Variants in ANOS1 observed in about 807,000 individuals in gnomAD.
ANOS1 encodes the protein anosmin 1.
Under a neutral mutation model 59.0 loss-of-function variants are expected in ANOS1, and 6 were observed. That is an observed-to-expected ratio of 0.10 (90% CI 0.06 to 0.20). The LOEUF (loss-of-function observed/expected upper bound fraction) is 0.20. Among genes scored for constraint, ANOS1 ranks in the 10% least tolerant of loss-of-function variants. The pLI is 1.00. For synonymous variants in ANOS1, 217 were observed against 223.4 expected, an observed-to-expected ratio of 0.97 and a Z score of 0.25; for missense variants, 433 against 542.3, an observed-to-expected ratio of 0.80 and a Z score of 2.00.
At position 8,529,183 on chromosome X, in the gene ANOS1, C is replaced by T. The variant is rs1212311837; in HGVS notation, c.*3812G>A. On this transcript the variant is annotated 3_prime_UTR_variant, in exon 14 of 14. Transcript: ENST00000262648. ...ATAATTAAGTAAAGGGGAAAAGTAA[C>T]TTTATATAGACCTCTGTTAATCACT... 1 of 111,498 alleles carries T rather than the reference C, an allele frequency of 9.0e-6. No individual in the cohort carries two copies. The highest frequency in any genetic ancestry group is 1.9e-5 in the Non-Finnish European group (1 of 53,129). The allele number at this position is 111,498 out of a possible 1,213,427, so 9.2% of individuals were successfully genotyped here. A position where few individuals can be genotyped will look rare whatever the true frequency, so the allele number is the denominator to read the frequency against.
At chrX:8,617,009 G>A (rs1391444924) in intron 3 of ANOS1, among the ~76,000 whole-genome samples, 1 of 112,477 alleles carries the variant, frequency 8.9e-6, no homozygotes, top group Non-Finnish European at 1.9e-5. Context: ...ACATATATCT[G>A]TTTAAAAAGA....
chrX:8,697,623 G>A (rs1270655962), intron 2 of ANOS1, among the ~76,000 whole-genome samples: 2 of 112,053 alleles, frequency 1.8e-5, no homozygotes, highest in African/African-American at 6.5e-5. Context: ...TAAAAAGTGT[G>A]TGGTTTCTAG....
chrX:8,588,070 G>C (rs963798352), intron 4 of ANOS1, 92 bp from the exon 5 acceptor site: 12 of 820,481 alleles, frequency 1.5e-5, no homozygotes, highest in Non-Finnish European at 2.1e-5. Context: ...AGATGAATCT[G>C]ATCTGATGAC....
chrX:8,580,594 A>G (rs1051334843), intron 6 of ANOS1, among the ~76,000 whole-genome samples: 5 of 111,961 alleles, frequency 4.5e-5, no homozygotes, highest in African/African-American at 1.6e-4. Flanking sequence ...ATAGTAGTCA[A>G]TCCATTTTGC....
At position 8,535,236 on chromosome X, in the gene ANOS1, C is replaced by G. The variant is rs1929569102; in HGVS notation, c.1842+355G>C. The G allele has an allele frequency of 1.6e-5, 3 of 192,440 alleles. No individual in the cohort carries two copies. In the South Asian group the frequency reaches 4.1e-4, roughly 27 times the overall value. The allele number at this position is 192,440 out of a possible 1,213,427, so 15.9% of individuals were successfully genotyped here. A position where few individuals can be genotyped will look rare whatever the true frequency, so the allele number is the denominator to read the frequency against. Reference sequence around the variant, plus strand: ...CAAGCTTCTTTTAGCTATTCCTGCCCTCCCCAATTCAACACTTCAAACAGG... The same window carrying G: ...CAAGCTTCTTTTAGCTATTCCTGCCGTCCCCAATTCAACACTTCAAACAGG... On this transcript the variant is annotated intron_variant, in intron 12 of 13. Transcript: ENST00000262648.
intron 9 of ANOS1, among the ~76,000 whole-genome samples, chrX:8,551,998 A>G (rs1423688340): frequency 1.8e-5 from 2 of 112,473 alleles, no homozygotes; most frequent in Non-Finnish European, 3.8e-5. Flanking sequence ...AATGACTTGT[A>G]TATACTATAT....
At chrX:8,592,981 A>G (rs1488486323) in intron 4 of ANOS1, among the ~76,000 whole-genome samples, 2 of 112,008 alleles carry the variant, frequency 1.8e-5, no homozygotes, top group African/African-American at 3.2e-5. Flanking sequence ...TCAAGTGACC[A>G]GTATAAAAAG....
chrX:8,543,939 TACCCAG>T (rs1929726010), intron 9 of ANOS1, among the ~76,000 whole-genome samples: 1 of 110,661 alleles, frequency 9.0e-6, no homozygotes, highest in African/African-American at 3.3e-5. Context: ...CTGTGCTAAA[TACCCAG>T]TTGATCTGGT....
chrX:8,538,383 A>G (rs1217374737), intron 10 of ANOS1, among the ~76,000 whole-genome samples: 2 of 112,237 alleles, frequency 1.8e-5, no homozygotes, highest in African/African-American at 3.2e-5. Flanking sequence ...AAGGTTTAAA[A>G]CTAAATACAG....
chrX:8,594,658 G>GTATA (rs767812487), intron 4 of ANOS1, among the ~76,000 whole-genome samples: 997 of 33,286 alleles, frequency 0.03, 26 homozygotes, highest in South Asian at 0.051. Flanking sequence ...ATATATATGT[G>GTATA]TATATATATA....
At position 8,619,613 on chromosome X, in the gene ANOS1, A is replaced by C. The variant is rs772616443; in HGVS notation, c.318+3995T>G. Among the ~76,000 whole-genome samples, 9 of 112,163 alleles carry C rather than the reference A, an allele frequency of 8.0e-5. No homozygotes were observed. The South Asian group carries it at 3.3e-3, about 41-fold the overall frequency. ...GCAAGACTCCGTCTCAAAAAAGAAAAAAAAGAAAAAGAAGAAGACATTATT... is the reference window on the plus strand; with the variant it reads ...GCAAGACTCCGTCTCAAAAAAGAAACAAAAGAAAAAGAAGAAGACATTATT... On this transcript the variant is annotated intron_variant, in intron 3 of 13. Transcript: ENST00000262648.
At chrX:8,609,017 T>C (rs996316162) in intron 3 of ANOS1, among the ~76,000 whole-genome samples, 2 of 112,265 alleles carry the variant, frequency 1.8e-5, no homozygotes, top group Admixed American at 9.4e-5. Flanking sequence ...ACATAGAACA[T>C]AGTTTCCTCG....
intron 1 of ANOS1, among the ~76,000 whole-genome samples, chrX:8,725,663 TAC>T (rs1445369454): frequency 2.3e-4 from 12 of 51,394 alleles, no homozygotes; most frequent in African/African-American, 5.8e-4. Context: ...TATATATATA[TAC>T]AGATATATAT....
At position 8,652,979 on chromosome X, in the gene ANOS1, C is replaced by T. The variant is rs192406011; in HGVS notation, c.256-29309G>A. On this transcript the variant is annotated intron_variant, in intron 2 of 13. Coordinates refer to ENST00000262648, the MANE Select transcript of ANOS1 (RefSeq NM_000216.4). ...CAAGCAATCCTCCTGCCTCAGCCTC[C>T]CGAGTAGCTGAGACTACAGGCATGC... 1.7e-3 allele frequency among the ~76,000 whole-genome samples: 185 copies of T among 110,789 alleles called. 1 individual carries two copies. Among genetic ancestry groups the T allele is most frequent in the African/African-American group, 5.7e-3 (173 of 30,478 alleles).
intron 2 of ANOS1, among the ~76,000 whole-genome samples, chrX:8,628,813 G>A (rs1175868963): frequency 8.9e-6 from 1 of 112,303 alleles, no homozygotes; most frequent in African/African-American, 3.2e-5. Flanking sequence ...GATTGAGAGA[G>A]CTAATCGCAT....
intron 3 of ANOS1, among the ~76,000 whole-genome samples, chrX:8,615,941 C>T (rs2146840797): frequency 9.0e-6 from 1 of 111,075 alleles, no homozygotes; most frequent in East Asian, 2.9e-4. Context: ...GAATAATTTT[C>T]ATCTGCTTGT....
intron 2 of ANOS1, among the ~76,000 whole-genome samples, chrX:8,649,585 C>T: frequency 8.9e-6 from 1 of 112,289 alleles, no homozygotes; most frequent in East Asian, 2.8e-4. Flanking sequence ...TTGTCTTTGT[C>T]CATATCAGTA....
chrX:8,720,149 A>C (rs763255961), intron 1 of ANOS1, among the ~76,000 whole-genome samples: 1 of 112,161 alleles, frequency 8.9e-6, no homozygotes, highest in Non-Finnish European at 1.9e-5. Flanking sequence ...AAACCCAAAC[A>C]AAAGGCAATG....
chrX:8,576,865 G>C (rs914137160), intron 6 of ANOS1, among the ~76,000 whole-genome samples: 1 of 111,690 alleles, frequency 9.0e-6, no homozygotes, highest in Non-Finnish European at 1.9e-5. Context: ...CTTTTAATGG[G>C]AAAAGTGTCT....
Sources: gnomAD v4.1 joint callset for allele counts (sites outside exome capture counted in the v4.1 genomes callset) on GRCh38, gnomAD v4.1.1 for gene constraint, MANE v1.5 for transcripts, NCBI Gene and HGNC (gene_info 2026-07-23, HGNC 2026-07-21) for gene names.